CIT: variants seen among roughly 807,000 people sequenced by gnomAD.
The protein encoded by CIT is citron Rho-interacting kinase.
CIT carries 79 observed loss-of-function variants against 272.7 expected under a neutral mutation model. The observed-to-expected ratio is 0.29, with a 90% CI of 0.24 to 0.35. The LOEUF (loss-of-function observed/expected upper bound fraction) is 0.35, where lower values mean the gene tolerates loss of function less well. Among genes scored for constraint, CIT ranks in the 10% least tolerant of loss-of-function variants. The pLI, the probability that CIT is intolerant of heterozygous loss-of-function variation, is 1.00. For synonymous variants in CIT, 948 were observed against 995.6 expected (o/e 0.95, Z 0.90); for missense variants, 1,909 against 2,618.3 (o/e 0.73, Z 5.91).
chr12:119,760,369 G>C (rs1307002611), intron 20 of CIT, among the ~76,000 whole-genome samples: 2 of 151,870 alleles, frequency 1.3e-5, no homozygotes, highest in Admixed American at 1.3e-4. Flanking sequence ...GTGGTGGCCT[G>C]TAATCCCAGC....
chr12:119,725,282 C>T (rs781004983), intron 28 of CIT, among the ~76,000 whole-genome samples: 1 of 151,816 alleles, frequency 6.6e-6, no homozygotes, highest in African/African-American at 2.4e-5. Flanking sequence ...AAAATTTAGC[C>T]GGGAGTGCTG....
At chr12:119,861,043 C>G (rs1286635251) in intron 3 of CIT, among the ~76,000 whole-genome samples, 1 of 151,830 alleles carries the variant, frequency 6.6e-6, no homozygotes, top group African/African-American at 2.4e-5. Flanking sequence ...ATCACTTGAA[C>G]CAGGGAGACA....
intron 44 of CIT, 78 bp from the exon 45 acceptor site, chr12:119,698,132 A>G (rs1034116539): frequency 2.2e-5 from 28 of 1,269,872 alleles, no homozygotes; most frequent in Non-Finnish European, 3.0e-5. Flanking sequence ...ACTGCAATGC[A>G]TTCTTTGACC....
intron 19 of CIT, among the ~76,000 whole-genome samples, chr12:119,761,636 T>C (rs975960457): frequency 3.9e-5 from 6 of 152,122 alleles, no homozygotes; most frequent in African/African-American, 1.4e-4. Context: ...CGTAGGTGGA[T>C]GGTCAACAGA....
At chr12:119,726,193 AACTCCCACCCAT>A (rs1220916418) in intron 28 of CIT, among the ~76,000 whole-genome samples, 1 of 151,676 alleles carries the variant, frequency 6.6e-6, no homozygotes, top group Non-Finnish European at 1.5e-5. Flanking sequence ...AACTTTCTCA[AACTCCCACCCAT>A]ATTTTTCATT....
At chr12:119,814,720 C>T (rs1163768588) in intron 9 of CIT, among the ~76,000 whole-genome samples, 2 of 152,130 alleles carry the variant, frequency 1.3e-5, no homozygotes, top group Admixed American at 6.5e-5. Flanking sequence ...CTTTAAAAGG[C>T]CCCAAACAAA....
intron 37 of CIT, among the ~76,000 whole-genome samples, chr12:119,711,800 TCAC>T (rs1957173765): frequency 6.6e-6 from 1 of 152,144 alleles, no homozygotes; most frequent in Non-Finnish European, 1.5e-5. Flanking sequence ...CAGGTGCATG[TCAC>T]CACACCTGGC....
chr12:119,798,700 C>A (rs1015097254), intron 10 of CIT, among the ~76,000 whole-genome samples: 3 of 152,158 alleles, frequency 2.0e-5, no homozygotes, highest in Admixed American at 2.0e-4. Flanking sequence ...ATTTACTGCT[C>A]CAGGAAAACC....
chr12:119,828,158 T>C (rs1012740690), intron 7 of CIT, among the ~76,000 whole-genome samples: 1 of 152,222 alleles, frequency 6.6e-6, no homozygotes, highest in Non-Finnish European at 1.5e-5. Context: ...ATTATACACA[T>C]TTATGCACAA....
rs370037321 is a variant in CIT, at chr12:119,786,170, G to A, written c.1296-1105C>T. ...TTTTATATGAGGAAATTGAGGCCCA[G>A]AGAGGTTACGTAAACTGCCAGTTGA... On this transcript the variant is annotated intron_variant, in intron 10 of 47. Coordinates refer to ENST00000392521, the MANE Select transcript of CIT (RefSeq NM_001206999.2). Among the ~76,000 whole-genome samples the A allele has an allele frequency of 2.0e-5, 3 of 152,242 alleles. No individual in the cohort carries two copies. The South Asian group carries it at 6.2e-4, about 32-fold the overall frequency.
At position 119,814,339 on chromosome 12, in the gene CIT, T is replaced by C. The variant is rs1593842339; in HGVS notation, c.1111+8481A>G. On this transcript the variant is annotated intron_variant, in intron 9 of 47. Coordinates refer to ENST00000392521, the MANE Select transcript of CIT (RefSeq NM_001206999.2). ...AACAGAACAGCCCCCAAGAGACACA[T>C]AAATATTTGCCTACATATCCCATAA... Among the ~76,000 whole-genome samples, 3 of 152,282 alleles carry C rather than the reference T, an allele frequency of 2.0e-5. No homozygotes were observed. In the East Asian group the frequency reaches 5.8e-4, roughly 29 times the overall value.
At chr12:119,764,275 T>C (rs1460003592) in intron 19 of CIT, among the ~76,000 whole-genome samples, 3 of 151,694 alleles carry the variant, frequency 2.0e-5, no homozygotes, top group Admixed American at 2.0e-4. Flanking sequence ...CATAGTGGAG[T>C]TGTCAGGTAC....
At chr12:119,790,541 AT>A (rs1009260629) in intron 10 of CIT, among the ~76,000 whole-genome samples, 1 of 152,120 alleles carries the variant, frequency 6.6e-6, no homozygotes, top group South Asian at 2.1e-4. Context: ...CTTCAACAAA[AT>A]TTTTTTTAAC....
In CIT at chr12:119,785,002, G is replaced by C. The variant is rs376066522; in HGVS notation, c.1359C>G (p.Ile453Met). ...KTSSMEKKLL[I>M]KSKELQDSQD... Reference sequence around the variant, plus strand: ...GAGAGTCTTGTAGCTCTTTGCTTTTGATGAGAAGTTTCTTTTCCATGGAGC... The same window carrying C: ...GAGAGTCTTGTAGCTCTTTGCTTTTCATGAGAAGTTTCTTTTCCATGGAGC... The change falls in exon 11 of 48, where the codon ATC becomes ATG. Residue 453 changes from isoleucine (I) to methionine (M), a missense_variant. This residue lies in a region of CIT where 26 missense variants were observed against 44.1 expected (regional missense o/e 0.59). Transcript: ENST00000392521. 4 of 1,614,048 alleles carry C rather than the reference G, an allele frequency of 2.5e-6. No homozygotes were observed. Among genetic ancestry groups the C allele is most frequent in the Non-Finnish European group, 3.4e-6 (4 of 1,180,050 alleles).
chr12:119,805,811 A>G (rs1184735146), intron 9 of CIT, among the ~76,000 whole-genome samples: 1 of 152,174 alleles, frequency 6.6e-6, no homozygotes, highest in Non-Finnish European at 1.5e-5. Context: ...TAAGATTAGA[A>G]AAAGGGGCAG....
chr12:119,821,097 A>T (rs556463122), intron 9 of CIT, among the ~76,000 whole-genome samples: 25 of 150,946 alleles, frequency 1.7e-4, no homozygotes, highest in Admixed American at 1.6e-3. Context: ...GGAGTTCAAG[A>T]TCAGCCTGAC....
In CIT at chr12:119,728,670, TGAATGTC is replaced by T. The variant is rs1322018684; in HGVS notation, c.3487-71_3487-65del. 12 of 1,126,418 alleles carry T rather than the reference TGAATGTC, an allele frequency of 1.1e-5. No individual in the cohort carries two copies. Among genetic ancestry groups the T allele is most frequent in the Non-Finnish European group, 1.5e-5 (11 of 756,170 alleles). 69.8% of individuals were successfully genotyped at this position (1,126,418 alleles called of 1,614,324 possible). ...GAATGTTAGATGCTGACAACGTTTATGAATGTCCACGAACCTTCACGGAGAAAGAATA... is the reference window on the plus strand; with the variant it reads ...GAATGTTAGATGCTGACAACGTTTATCACGAACCTTCACGGAGAAAGAATA... On this transcript the variant is annotated intron_variant, in intron 27 of 47. Coordinates refer to ENST00000392521, the MANE Select transcript of CIT (RefSeq NM_001206999.2). This position sits in a 1 kb window ranked among gnomAD's most constrained non-coding sequence, Gnocchi z 4.3.
intron 2 of CIT, among the ~76,000 whole-genome samples, chr12:119,872,604 A>G (rs1000081350): frequency 1.3e-5 from 2 of 152,208 alleles, no homozygotes; most frequent in Admixed American, 6.5e-5. Flanking sequence ...TCCTGTTATA[A>G]TGACTAAATA....
At chr12:119,850,375 TAA>T (rs34256172) in intron 4 of CIT, 100 bp from the exon 5 acceptor site, 217 of 281,176 alleles carry the variant, frequency 7.7e-4, no homozygotes, top group Middle Eastern at 2.2e-3. Flanking sequence ...TTTCTAGCTT[TAA>T]AAAAAAAAAA....
Sources: gnomAD v4.1 joint callset for allele counts (sites outside exome capture counted in the v4.1 genomes callset) on GRCh38, gnomAD v4.1.1 for gene constraint, gnomAD v4.1.1 regional missense constraint, Gnocchi (gnomAD v3.1) non-coding constraint, MANE v1.5 for transcripts, NCBI Gene and HGNC (gene_info 2026-07-23, HGNC 2026-07-21) for gene names.